Variants in CDK17 observed in about 807,000 individuals in gnomAD.
The protein encoded by CDK17 is cyclin-dependent kinase 17.
Under a neutral mutation model 77.6 loss-of-function variants are expected in CDK17, and 24 were observed. The ratio of observed to expected loss-of-function variants is 0.31; its 90% CI spans 0.22 to 0.44. The LOEUF is 0.44. Among genes scored for constraint, CDK17 ranks in the 20% least tolerant of loss-of-function variants. CDK17 has a pLI of 1.00. For missense variants in CDK17, 429 were observed against 622.5 expected (o/e 0.69, Z 3.31); for synonymous variants, 203 against 210.4 (o/e 0.96, Z 0.30).
At chr12:96,284,727 G>A (rs1952225970) in intron 13 of CDK17, among the ~76,000 whole-genome samples, 1 of 151,770 alleles carries the variant, frequency 6.6e-6, no homozygotes, top group African/African-American at 2.4e-5. Context: ...ACCACGTCCG[G>A]CTAATTTTTT....
chr12:96,316,624 GCCT>G lies in CDK17; in HGVS notation c.284-3173_284-3171del, dbSNP rs1565816816. ...CTGGAGATCTGAGAACGGGCAGACT[GCCT>G]CCTCAAGTGGGTCCCTGACCCCCTG... On this transcript the variant is annotated intron_variant, in intron 3 of 16. Coordinates refer to ENST00000261211, the MANE Select transcript of CDK17 (RefSeq NM_002595.5). 1.5e-5 allele frequency among the ~76,000 whole-genome samples: 2 copies of G among 133,908 alleles called. 1 individual carries two copies. The highest frequency in any genetic ancestry group is 6.3e-4 in the East Asian group (2 of 3,180). 87.8% of individuals were successfully genotyped at this position (133,908 alleles called of 152,430 possible).
intron 1 of CDK17, among the ~76,000 whole-genome samples, chr12:96,394,456 T>TGTA (rs1262691860): frequency 1.3e-5 from 2 of 152,154 alleles, no homozygotes; most frequent in Admixed American, 1.3e-4. Context: ...GTACACAAAA[T>TGTA]GTAGAGTATT....
intron 1 of CDK17, among the ~76,000 whole-genome samples, chr12:96,350,073 T>C (rs1005236845): frequency 2.6e-5 from 4 of 152,172 alleles, no homozygotes; most frequent in Non-Finnish European, 5.9e-5. Context: ...AATGCAGTGA[T>C]AGACTTATAT....
chr12:96,283,490 G>T, intron 14 of CDK17, 113 bp downstream of exon 14: 6 of 673,844 alleles, frequency 8.9e-6, no homozygotes, highest in Non-Finnish European at 1.6e-5. Flanking sequence ...CTTAAGCATA[G>T]ATAATTTTAT....
intron 1 of CDK17, among the ~76,000 whole-genome samples, chr12:96,351,098 C>G (rs1229178813): frequency 6.6e-6 from 1 of 152,140 alleles, no homozygotes; most frequent in African/African-American, 2.4e-5. Flanking sequence ...AACATTATTA[C>G]TCATTGGAGA....
intron 1 of CDK17, among the ~76,000 whole-genome samples, chr12:96,395,869 C>G (rs1421751928): frequency 6.6e-6 from 1 of 152,208 alleles, no homozygotes; most frequent in Non-Finnish European, 1.5e-5. Context: ...AGGGAGAAGA[C>G]AGCTGAGAGG....
intron 11 of CDK17, among the ~76,000 whole-genome samples, chr12:96,287,299 A>G (rs888258927): frequency 2.0e-5 from 3 of 152,182 alleles, no homozygotes; most frequent in African/African-American, 7.2e-5. Flanking sequence ...GAAGGAAAAG[A>G]AAAGGATGGT....
intron 1 of CDK17, among the ~76,000 whole-genome samples, chr12:96,338,050 C>T (rs1379581699): frequency 6.6e-6 from 1 of 152,176 alleles, no homozygotes; most frequent in South Asian, 2.1e-4. Flanking sequence ...GCCTGGGGCT[C>T]TGGCCCACAC....
At chr12:96,303,485 C>T (rs1952535391) in intron 5 of CDK17, 1 of 151,948 alleles carries the variant, frequency 6.6e-6, no homozygotes, top group Non-Finnish European at 1.5e-5. Flanking sequence ...GGATAAACCT[C>T]GGGTATGATA....
chr12:96,352,563 G>A (rs917771968), intron 1 of CDK17, among the ~76,000 whole-genome samples: 1 of 152,130 alleles, frequency 6.6e-6, no homozygotes, highest in Non-Finnish European at 1.5e-5. Context: ...CTAATAAAGG[G>A]AGTGTCCTCA....
At chr12:96,352,812 C>T (rs995828011) in intron 1 of CDK17, among the ~76,000 whole-genome samples, 4 of 152,218 alleles carry the variant, frequency 2.6e-5, no homozygotes, top group African/African-American at 9.6e-5. Flanking sequence ...TCAGTGACAA[C>T]ATTTCAAATT....
intron 11 of CDK17, 103 bp downstream of exon 11, chr12:96,289,064 T>C (rs1037778170): frequency 1.9e-5 from 24 of 1,271,152 alleles, no homozygotes; most frequent in African/African-American, 3.0e-5. Context: ...TATGGCTCTT[T>C]AAAATAATAT....
chr12:96,310,964 A>G, intron 5 of CDK17, 88 bp downstream of exon 5: 1 of 1,346,538 alleles, frequency 7.4e-7, no homozygotes, highest in Non-Finnish European at 1.0e-6. Flanking sequence ...AAAGTCAAGT[A>G]TAAAAATTAA....
At chr12:96,300,174 A>C (rs1420073158) in intron 6 of CDK17, 130 bp downstream of exon 6, 1 of 658,924 alleles carries the variant, frequency 1.5e-6, no homozygotes, top group Non-Finnish European at 2.7e-6. Context: ...TTACCTTTCC[A>C]GAACAAGTAT....
At chr12:96,327,563 T>C (rs1312239668) in intron 2 of CDK17, among the ~76,000 whole-genome samples, 1 of 152,136 alleles carries the variant, frequency 6.6e-6, no homozygotes, top group Non-Finnish European at 1.5e-5. Flanking sequence ...TTTTCTTTTT[T>C]TCCAGGCAGG....
chr12:96,291,205 T>C (rs1259400789), intron 10 of CDK17, among the ~76,000 whole-genome samples: 2 of 151,706 alleles, frequency 1.3e-5, no homozygotes, highest in Non-Finnish European at 2.9e-5. Flanking sequence ...TGTTGCCTTG[T>C]GGGTAAAATT....
chr12:96,315,117 AG>A (rs1252537980), intron 3 of CDK17, among the ~76,000 whole-genome samples: 3 of 152,260 alleles, frequency 2.0e-5, no homozygotes, highest in African/African-American at 7.2e-5. Context: ...CTAGATAACT[AG>A]ATCTCTTTTT....
chr12:96,307,257 T>TG (rs1952588042), intron 5 of CDK17, among the ~76,000 whole-genome samples: 2 of 152,194 alleles, frequency 1.3e-5, no homozygotes, highest in South Asian at 4.1e-4. Flanking sequence ...ATCATGCCAT[T>TG]GCACTCCAGC....
chr12:96,349,816 G>C (rs974176061), intron 1 of CDK17, among the ~76,000 whole-genome samples: 3 of 151,920 alleles, frequency 2.0e-5, no homozygotes, highest in African/African-American at 7.2e-5. Flanking sequence ...AATAGGAAAT[G>C]AAAAAATAAA....
Sources: gnomAD v4.1 joint callset for allele counts (sites outside exome capture counted in the v4.1 genomes callset) on GRCh38, gnomAD v4.1.1 for gene constraint, MANE v1.5 for transcripts, NCBI Gene and HGNC (gene_info 2026-07-23, HGNC 2026-07-21) for gene names.